The following ABCC9 variants were observed in gnomAD, a reference collection of about 807,000 sequenced individuals.
ABCC9 encodes ATP binding cassette subfamily C member 9, also known as ATP-binding cassette sub-family C member 9.
ABCC9 carries 95 observed loss-of-function variants against 188.3 expected under a neutral mutation model. The observed-to-expected ratio is 0.50, with a 90% CI of 0.43 to 0.60. The LOEUF (loss-of-function observed/expected upper bound fraction) is 0.60, where lower values mean the gene tolerates loss of function less well. Ranked by LOEUF, ABCC9 falls within the 20% of genes least tolerant of loss-of-function variation. The pLI is 0.00. For missense variants in ABCC9, 1,102 were observed against 1,876.3 expected, an observed-to-expected ratio of 0.59 and a Z score of 7.62; for synonymous variants, 659 against 652.7, an observed-to-expected ratio of 1.01 and a Z score of -0.15.
chr12:21,803,595 C>T (rs1941631239), intron 39 of ABCC9, among the ~76,000 whole-genome samples: 1 of 139,778 alleles, frequency 7.2e-6, no homozygotes, highest in African/African-American at 2.7e-5. Context: ...GCGGAGGTTG[C>T]GGTGAGCTGA....
At position 21,852,537 on chromosome 12, in the gene ABCC9, G is replaced by T. The variant is rs373922994; in HGVS notation, c.2506-32C>A. Reference sequence around the variant, plus strand: ...TCAGTAAAATGGAGGAAAGATGGACGTTTTCTATACTTGTTACATAACTCA... The same window carrying T: ...TCAGTAAAATGGAGGAAAGATGGACTTTTTCTATACTTGTTACATAACTCA... On this transcript the variant is annotated intron_variant, in intron 22 of 39. Coordinates refer to ENST00000261200, the MANE Select transcript of ABCC9 (RefSeq NM_020297.4). The T allele has an allele frequency of 5.6e-6, 9 of 1,603,688 alleles. No individual in the cohort carries two copies. In the African/African-American group the frequency reaches 6.7e-5, roughly 12 times the overall value.
chr12:21,886,042 T>A (rs1262177829), intron 15 of ABCC9, among the ~76,000 whole-genome samples: 1 of 152,174 alleles, frequency 6.6e-6, no homozygotes, highest in Non-Finnish European at 1.5e-5. Flanking sequence ...TGACTCACGG[T>A]GGAATAATGC....
chr12:21,807,598 G>T, intron 37 of ABCC9, 119 bp from the exon 38 acceptor site: 1 of 1,385,260 alleles, frequency 7.2e-7, no homozygotes, highest in Non-Finnish European at 1.0e-6. Context: ...ACTTAGTGCT[G>T]GTGCAAGGAC....
chr12:21,809,535 A>G (rs769569581), intron 37 of ABCC9, among the ~76,000 whole-genome samples: 1 of 152,148 alleles, frequency 6.6e-6, no homozygotes, highest in Non-Finnish European at 1.5e-5. Flanking sequence ...AGACAGGTCA[A>G]CTGAGAAAGA....
chr12:21,849,235 T>C (rs969554495), intron 24 of ABCC9, among the ~76,000 whole-genome samples: 35 of 152,326 alleles, frequency 2.3e-4, no homozygotes, highest in African/African-American at 7.7e-4. Context: ...ATAAACCTTT[T>C]GTGATTAGTC....
At chr12:21,933,712 G>A in intron 4 of ABCC9, 70 bp downstream of exon 4, 1 of 1,543,268 alleles carries the variant, frequency 6.5e-7, no homozygotes, top group Non-Finnish European at 9.0e-7. Flanking sequence ...AAGTTACAAA[G>A]ATGTGAACTT....
chr12:21,923,864 T>G (rs1254932985), intron 5 of ABCC9: 2 of 699,608 alleles, frequency 2.9e-6, no homozygotes, highest in Admixed American at 4.0e-5. Flanking sequence ...AACCTGGAAA[T>G]AGTACAGATG....
At chr12:21,904,027 C>T (rs550907567) in intron 12 of ABCC9, among the ~76,000 whole-genome samples, 2 of 152,212 alleles carry the variant, frequency 1.3e-5, no homozygotes, top group South Asian at 4.1e-4. Flanking sequence ...GACTTCAAAC[C>T]ATACTACAAG....
intron 30 of ABCC9, among the ~76,000 whole-genome samples, chr12:21,836,135 C>T (rs958050399): frequency 6.6e-6 from 1 of 152,126 alleles, no homozygotes; most frequent in Non-Finnish European, 1.5e-5. Flanking sequence ...CTCATGTGGA[C>T]CACTGCAACA....
intron 6 of ABCC9, among the ~76,000 whole-genome samples, chr12:21,916,179 A>G (rs1948597253): frequency 6.6e-6 from 1 of 152,150 alleles, no homozygotes; most frequent in South Asian, 2.1e-4. Flanking sequence ...TTTTACTAAG[A>G]GTCAGTGTTT....
intron 18 of ABCC9, among the ~76,000 whole-genome samples, chr12:21,865,766 A>G (rs1039513224): frequency 6.6e-6 from 1 of 152,182 alleles, no homozygotes; most frequent in Non-Finnish European, 1.5e-5. Flanking sequence ...TTCCGACTCT[A>G]TTTATTCAGT....
chr12:21,881,887 A>G (rs1010009426), intron 16 of ABCC9, among the ~76,000 whole-genome samples: 6 of 152,218 alleles, frequency 3.9e-5, no homozygotes, highest in Non-Finnish European at 7.3e-5. Flanking sequence ...CCATGGCTCA[A>G]TGAGGCATAG....
chr12:21,863,352 T>C (rs1945616501), intron 19 of ABCC9, among the ~76,000 whole-genome samples: 1 of 152,090 alleles, frequency 6.6e-6, no homozygotes, highest in South Asian at 2.1e-4. Flanking sequence ...TTTTCTAAAA[T>C]GACTATAATT....
intron 12 of ABCC9, among the ~76,000 whole-genome samples, chr12:21,904,151 C>G (rs1331686063): frequency 1.6e-5 from 2 of 124,488 alleles, no homozygotes; most frequent in East Asian, 2.4e-4. Context: ...TGATCTTTGA[C>G]AAACCTGACA....
rs1052185650 is a variant in ABCC9 at position 21,798,055 on chromosome 12, C to T, written c.*2989G>A. 2.0e-5 allele frequency: 3 copies of T among 151,864 alleles called. No homozygotes were observed. The highest frequency in any genetic ancestry group is 2.9e-5 in the Non-Finnish European group (2 of 67,950). 9.4% of individuals were successfully genotyped at this position (151,864 alleles called of 1,614,324 possible). The stretch of plus-strand genomic sequence containing the variant: ...ATCAATGAAAAACATTATCCTTGAC[C>T]TTATTTAGTCAATTTAGTTTGTAAA... On this transcript the variant is annotated 3_prime_UTR_variant, in exon 40 of 40. Transcript: ENST00000261200.
rs1949667183 is a variant in ABCC9 at position 21,941,144 on chromosome 12, A to T, written c.-137+56T>A. 1 of 152,254 alleles carries T rather than the reference A, an allele frequency of 6.6e-6. No individual in the cohort carries two copies. Among genetic ancestry groups the T allele is most frequent in the African/African-American group, 2.4e-5 (1 of 41,458 alleles). The allele number at this position is 152,254 out of a possible 1,614,324, so 9.4% of individuals were successfully genotyped here. ...TGTTAGCTCAAAATCGACAACTTAC[A>T]GTTATTCCTAAAAATGTTTAAATGG... On this transcript the variant is annotated intron_variant, in intron 1 of 39. Transcript: ENST00000261200. This position sits in a 1 kb window ranked among gnomAD's most constrained non-coding sequence, Gnocchi z 5.4.
chr12:21,906,989 C>A (rs1447173855), intron 11 of ABCC9, among the ~76,000 whole-genome samples: 1 of 152,012 alleles, frequency 6.6e-6, no homozygotes, highest in African/African-American at 2.4e-5. Context: ...GAATTACTAA[C>A]AAGGTAATAT....
chr12:21,885,187 A>T (rs1455287781), intron 15 of ABCC9, among the ~76,000 whole-genome samples: 1 of 152,192 alleles, frequency 6.6e-6, no homozygotes, highest in Non-Finnish European at 1.5e-5. Flanking sequence ...TACAGAATAC[A>T]TAGTATCTTA....
intron 30 of ABCC9, among the ~76,000 whole-genome samples, chr12:21,831,632 G>A (rs868374247): frequency 6.6e-6 from 1 of 152,140 alleles, no homozygotes; most frequent in Admixed American, 6.5e-5. Flanking sequence ...AGAGAGGAAG[G>A]GTTAAGCAAG....
Sources: allele counts gnomAD v4.1 joint callset (sites outside exome capture counted in the v4.1 genomes callset), GRCh38; gene constraint gnomAD v4.1.1; non-coding constraint Gnocchi (gnomAD v3.1); transcripts MANE v1.5; gene names NCBI Gene and HGNC (gene_info 2026-07-23, HGNC 2026-07-21).